HOXD12: variants seen among roughly 807,000 people sequenced by gnomAD.
HOXD12 encodes homeobox protein Hox-D12.
Under a neutral mutation model 20.2 loss-of-function variants are expected in HOXD12, and 21 were observed. The ratio of observed to expected loss-of-function variants is 1.04; its 90% CI spans 0.74 to 1.50. The LOEUF (loss-of-function observed/expected upper bound fraction) is 1.50. Ranked by LOEUF, HOXD12 falls within the 40% of genes most tolerant of loss-of-function variation. The pLI, the probability that HOXD12 is intolerant of heterozygous loss-of-function variation, is 0.00. For missense variants in HOXD12, 472 were observed against 365.5 expected, an observed-to-expected ratio of 1.29 and a Z score of -2.38; for synonymous variants, 196 against 168.8, an observed-to-expected ratio of 1.16 and a Z score of -1.25.
At position 176,100,928 on chromosome 2, in the gene HOXD12, C is replaced by T; in HGVS notation, c.*168C>T. 9 of 613,042 alleles carry T rather than the reference C, an allele frequency of 1.5e-5. No homozygotes were observed. The South Asian group carries it at 1.8e-4, about 12-fold the overall frequency. The allele number at this position is 613,042 out of a possible 1,614,324, so 38.0% of individuals were successfully genotyped here. A position where few individuals can be genotyped will look rare whatever the true frequency, so the allele number is the denominator to read the frequency against. On this transcript the variant is annotated 3_prime_UTR_variant, in exon 2 of 2. Coordinates refer to ENST00000406506, the MANE Select transcript of HOXD12 (RefSeq NM_021193.4). Reference sequence around the variant, plus strand: ...CAGGCCAGTTGGGCCTCCTTGCTTTCCTCAGTCCCTGAGAAGCCCGTGAGA... The same window carrying T: ...CAGGCCAGTTGGGCCTCCTTGCTTTTCTCAGTCCCTGAGAAGCCCGTGAGA...
Position 176,100,546 on chromosome 2 carries a change from G to T in HOXD12, c.599G>T (p.Gly200Val). The T allele has an allele frequency of 6.2e-7, 1 of 1,608,918 alleles. No homozygotes were observed. The highest frequency in any genetic ancestry group is 8.5e-7 in the Non-Finnish European group (1 of 1,177,698). ...PDGLPWGAAP[G>V]RARKKRKPYT... ...GGCCTGCCGTGGGGGGCGGCCCCGG[G>T]GAGGGCCCGCAAGAAGCGGAAACCC... Residue 200 changes from glycine (G) to valine (V), a missense_variant, in exon 2 of 2, where the codon GGG becomes GTG. Physicochemically the swap from Gly to Val is moderately radical, Grantham distance 109. Transcript: ENST00000406506.
rs146731562 is a variant in HOXD12 at position 176,100,024 on chromosome 2, C to A, written c.223C>A (p.Pro75Thr). 2.4e-4 allele frequency: 376 copies of A among 1,566,886 alleles called. 2 individuals carry two copies. In the African/African-American group the frequency reaches 4.2e-3, roughly 18 times the overall value. Residue 75 changes from proline (P) to threonine (T), a missense_variant, in exon 1 of 2, where the codon CCC (proline) becomes ACC (threonine). By Grantham distance (38) the Pro-to-Thr change is conservative (BLOSUM62 -1). Transcript: ENST00000406506. The part of the protein sequence containing the change: ...GATAFGGFSQ[P>T]YLAGSGPLGL... ...CACTGCCTTCGGCGGCTTCTCGCAG[C>A]CCTACCTGGCTGGCTCCGGGCCTCT...
Position 176,100,177 on chromosome 2 carries a change from G to C in HOXD12, c.376G>C (p.Ala126Pro). 1.9e-6 allele frequency: 3 copies of C among 1,612,408 alleles called. No homozygotes were observed. Among genetic ancestry groups the C allele is most frequent in the Non-Finnish European group, 2.5e-6 (3 of 1,179,746 alleles). The change falls in exon 1 of 2, where the codon GCT (alanine) becomes CCT (proline). Residue 126 changes from alanine (A) to proline (P), a missense_variant. Transcript: ENST00000406506. The part of the protein sequence containing the change: ...RPSFAPESSL[A>P]PAVAALKAAK... Reference sequence around the variant, plus strand: ...GTCCTTCGCCCCCGAGTCTAGCCTGGCTCCTGCAGTGGCTGCTCTCAAAGC... The same window carrying C: ...GTCCTTCGCCCCCGAGTCTAGCCTGCCTCCTGCAGTGGCTGCTCTCAAAGC...
rs1206806789 is a variant in HOXD12, at chr2:176,100,217, A to T, written c.416A>T (p.Tyr139Phe). The change falls in exon 1 of 2, where the codon TAC becomes TTC. Residue 139 changes from tyrosine (Y) to phenylalanine (F), a missense_variant. Physicochemically the swap from Tyr to Phe is conservative, Grantham distance 22. Transcript: ENST00000406506. ...VAALKAAKYD[Y>F]AGVGRATPGS... ...GCTCTCAAAGCGGCCAAGTATGACTACGCTGGTGTGGGTCGTGCCACGCCG... is the reference window on the plus strand; with the variant it reads ...GCTCTCAAAGCGGCCAAGTATGACTTCGCTGGTGTGGGTCGTGCCACGCCG... The T allele has an allele frequency of 6.2e-7, 1 of 1,612,306 alleles. No homozygotes were observed. The highest frequency in any genetic ancestry group is 2.2e-5 in the East Asian group (1 of 44,860).
rs140276133 is a variant in HOXD12 at position 176,100,125 on chromosome 2, G to T, written c.324G>T (p.Gly108=). 1.9e-6 allele frequency: 3 copies of T among 1,610,310 alleles called. No individual in the cohort carries two copies. Among genetic ancestry groups the T allele is most frequent in the Admixed American group, 3.3e-5 (2 of 59,872 alleles). Reference sequence around the variant, plus strand: ...TCTATGCGCCCGAAGCGGCCGCTGGGCCAGAGGAGCGCGGTCGTACCCGGC... The same window carrying T: ...TCTATGCGCCCGAAGCGGCCGCTGGTCCAGAGGAGCGCGGTCGTACCCGGC... ...AKFYAPEAAA[G]PEERGRTRPS... is the part of the protein sequence containing the mutation. Residue 108 remains glycine (G), a synonymous_variant, in exon 1 of 2, where the codon GGG becomes GGT. Coordinates refer to ENST00000406506, the MANE Select transcript of HOXD12 (RefSeq NM_021193.4).
At position 176,101,119 on chromosome 2, in the gene HOXD12, C is replaced by T. The variant is rs553731299; in HGVS notation, c.*359C>T. The T allele has an allele frequency of 2.7e-6, 1 of 365,860 alleles. No individual in the cohort carries two copies. Among genetic ancestry groups the T allele is most frequent in the Admixed American group, 4.5e-5 (1 of 22,398 alleles). 22.7% of individuals were successfully genotyped at this position (365,860 alleles called of 1,614,324 possible). ...TCCACCCAATTCGTTCTCCCTTTCC[C>T]CCTCTCTCCAGCCCCTTCAGCGTAT... On this transcript the variant is annotated 3_prime_UTR_variant, in exon 2 of 2. Coordinates refer to ENST00000406506, the MANE Select transcript of HOXD12 (RefSeq NM_021193.4).
chr2:176,099,997 G>A lies in HOXD12; in HGVS notation c.196G>A (p.Ala66Thr). ...ASCAPAQPAG[A>T]TAFGGFSQPY... ...CTGCGCCCCCGCGCAGCCTGCGGGC[G>A]CCACTGCCTTCGGCGGCTTCTCGCA... is the stretch of plus-strand genomic sequence containing the variant. Residue 66 changes from alanine (A) to threonine (T), a missense_variant, in exon 1 of 2, where the codon GCC becomes ACC. Coordinates refer to ENST00000406506, the MANE Select transcript of HOXD12 (RefSeq NM_021193.4). The A allele has an allele frequency of 6.4e-7, 1 of 1,562,418 alleles. No homozygotes were observed. Among genetic ancestry groups the A allele is most frequent in the Admixed American group, 1.9e-5 (1 of 52,502 alleles).
Position 176,100,356 on chromosome 2 carries a change from G to T in HOXD12, c.555G>T (p.Leu185=). 1 of 1,612,570 alleles carries T rather than the reference G, an allele frequency of 6.2e-7. No individual in the cohort carries two copies. The highest frequency in any genetic ancestry group is 1.7e-5 in the Admixed American group (1 of 60,008). The change falls in exon 1 of 2, where the codon CTG becomes CTT. Residue 185 remains leucine (L), a synonymous_variant. Transcript: ENST00000406506. ...AGGCGGCGGGCGTTGCCTCTTGCCT[G>T]CGACCTTCACTGCCCGACGGTAAAC... ...TVQAAGVASC[L]RPSLPDGLPW...
In HOXD12 at chr2:176,100,863, T is replaced by C; in HGVS notation, c.*103T>C. On this transcript the variant is annotated 3_prime_UTR_variant, in exon 2 of 2. Coordinates refer to ENST00000406506, the MANE Select transcript of HOXD12 (RefSeq NM_021193.4). ...AGGCTAAGGCTTTTCCTTCGGTTCC[T>C]TCTCTGCTGGCCCCAGAAGCCACCA... 1 of 778,594 alleles carries C rather than the reference T, an allele frequency of 1.3e-6. No individual in the cohort carries two copies. Among genetic ancestry groups the C allele is most frequent in the Non-Finnish European group, 2.1e-6 (1 of 471,108 alleles). 48.2% of individuals were successfully genotyped at this position (778,594 alleles called of 1,614,324 possible). A position where few individuals can be genotyped will look rare whatever the true frequency, so the allele number is the denominator to read the frequency against.
chr2:176,101,037 C>CA lies in HOXD12; in HGVS notation c.*277_*278insA. 1.9e-6 allele frequency: 1 copy of CA among 539,882 alleles called. No individual in the cohort carries two copies. The highest frequency in any genetic ancestry group is 3.3e-6 in the Non-Finnish European group (1 of 304,462). 33.4% of individuals were successfully genotyped at this position (539,882 alleles called of 1,614,324 possible). A position where few individuals can be genotyped will look rare whatever the true frequency, so the allele number is the denominator to read the frequency against. ...TGAGGCCAACTCTCCTTGCTCCTGG[C>CA]TGGGGCATTTGCACCCACCGCTCAT... is the stretch of plus-strand genomic sequence containing the variant. On this transcript the variant is annotated 3_prime_UTR_variant, in exon 2 of 2. Transcript: ENST00000406506.
At position 176,101,102 on chromosome 2, in the gene HOXD12, A is replaced by G. The variant is rs369280451; in HGVS notation, c.*342A>G. On this transcript the variant is annotated 3_prime_UTR_variant, in exon 2 of 2. Coordinates refer to ENST00000406506, the MANE Select transcript of HOXD12 (RefSeq NM_021193.4). ...ACCTGGATTTTTCTGTTTCCACCCAATTCGTTCTCCCTTTCCCCCTCTCTC... is the reference window on the plus strand; with the variant it reads ...ACCTGGATTTTTCTGTTTCCACCCAGTTCGTTCTCCCTTTCCCCCTCTCTC... 27 of 401,872 alleles carry G rather than the reference A, an allele frequency of 6.7e-5. No individual in the cohort carries two copies. Among genetic ancestry groups the G allele is most frequent in the Non-Finnish European group, 7.7e-5 (17 of 221,130 alleles). The allele number at this position is 401,872 out of a possible 1,614,324, so 24.9% of individuals were successfully genotyped here.
In HOXD12 at chr2:176,102,468, T is replaced by C. The variant is rs1187288991; in HGVS notation, c.*1708T>C. On this transcript the variant is annotated 3_prime_UTR_variant, in exon 2 of 2. Transcript: ENST00000406506. ...TATATACAAATGTTTTGAGTGAAAATAAATATCCAGGTCTGAGCCAAGCTG... is the reference window on the plus strand; with the variant it reads ...TATATACAAATGTTTTGAGTGAAAACAAATATCCAGGTCTGAGCCAAGCTG... Among the ~76,000 whole-genome samples, 2 of 152,230 alleles carry C rather than the reference T, an allele frequency of 1.3e-5. No individual in the cohort carries two copies. The highest frequency in any genetic ancestry group is 2.9e-5 in the Non-Finnish European group (2 of 68,034).
rs868390508 is a variant in HOXD12 at position 176,100,277 on chromosome 2, C to A, written c.476C>A (p.Ala159Asp). The A allele has an allele frequency of 1.2e-6, 2 of 1,612,612 alleles. No homozygotes were observed. The highest frequency in any genetic ancestry group is 8.5e-7 in the Non-Finnish European group (1 of 1,179,842). Residue 159 changes from alanine to aspartate, a missense_variant, in exon 1 of 2, where the codon GCC (alanine) becomes GAC (aspartate). Coordinates refer to ENST00000406506, the MANE Select transcript of HOXD12 (RefSeq NM_021193.4). Reference sequence around the variant, plus strand: ...ACCCTGCTCCAGGGGGCTCCCTGCGCCCCTGGCTTCAAGGACGACACCAAG... The same window carrying A: ...ACCCTGCTCCAGGGGGCTCCCTGCGACCCTGGCTTCAAGGACGACACCAAG... ...STTLLQGAPC[A>D]PGFKDDTKGP...
At chr2:176,100,407 T>C (rs1689477472) in intron 1 of HOXD12, 32 bp downstream of exon 1, 1 of 1,608,352 alleles carries the variant, frequency 6.2e-7, no homozygotes. Context: ...CGGGCCGGTT[T>C]GGGCCGGGAT....
intron 1 of HOXD12, 44 bp downstream of exon 1, chr2:176,100,419 G>T: frequency 6.2e-7 from 1 of 1,606,272 alleles, no homozygotes; most frequent in South Asian, 1.1e-5. Flanking sequence ...GGCCGGGATG[G>T]GAGGTGGGGT....
rs755547207 is a variant in HOXD12 at position 176,100,366 on chromosome 2, C to A, written c.565C>A (p.Leu189Met). The A allele has an allele frequency of 1.7e-5, 27 of 1,612,356 alleles. No homozygotes were observed. In the South Asian group the frequency reaches 2.7e-4, roughly 16 times the overall value. The part of the protein sequence containing the change: ...AGVASCLRPS[L>M]PDGLPWGAAP... ...CGTTGCCTCTTGCCTGCGACCTTCA[C>A]TGCCCGACGGTAAACGGTGCCCATG... is the stretch of plus-strand genomic sequence containing the variant. The change falls in exon 1 of 2, where the codon CTG becomes ATG. Residue 189 changes from leucine to methionine, a missense_variant. Leu to Met is a conservative substitution (Grantham distance 15, BLOSUM62 2). Coordinates refer to ENST00000406506, the MANE Select transcript of HOXD12 (RefSeq NM_021193.4).
Position 176,100,855 on chromosome 2 carries a change from T to C in HOXD12, c.*95T>C. On this transcript the variant is annotated 3_prime_UTR_variant, in exon 2 of 2. Coordinates refer to ENST00000406506, the MANE Select transcript of HOXD12 (RefSeq NM_021193.4). The stretch of plus-strand genomic sequence containing the variant: ...TGGGGCTAAGGCTAAGGCTTTTCCT[T>C]CGGTTCCTTCTCTGCTGGCCCCAGA... The C allele has an allele frequency of 2.4e-6, 2 of 829,332 alleles. No individual in the cohort carries two copies. Among genetic ancestry groups the C allele is most frequent in the South Asian group, 3.3e-5 (2 of 60,906 alleles). The allele number at this position is 829,332 out of a possible 1,614,324, so 51.4% of individuals were successfully genotyped here. A position where few individuals can be genotyped will look rare whatever the true frequency, so the allele number is the denominator to read the frequency against.
At position 176,099,898 on chromosome 2, in the gene HOXD12, G is replaced by T; in HGVS notation, c.97G>T (p.Gly33Cys). ...SFYFSNLRPN[G>C]GQLAALPPIS... ...CTACTTCTCCAACCTGAGGCCGAAT[G>T]GCGGCCAGTTGGCCGCGCTTCCCCC... The change falls in exon 1 of 2, where the codon GGC (glycine) becomes TGC (cysteine). Residue 33 changes from glycine to cysteine, a missense_variant. Transcript: ENST00000406506. The T allele has an allele frequency of 6.3e-7, 1 of 1,594,518 alleles. No homozygotes were observed. Among genetic ancestry groups the T allele is most frequent in the African/African-American group, 1.4e-5 (1 of 72,376 alleles).
Position 176,100,804 on chromosome 2 carries a change from A to C in HOXD12, c.*44A>C. 1 of 1,345,210 alleles carries C rather than the reference A, an allele frequency of 7.4e-7. No homozygotes were observed. The highest frequency in any genetic ancestry group is 1.1e-6 in the Non-Finnish European group (1 of 945,514). 83.3% of individuals were successfully genotyped at this position (1,345,210 alleles called of 1,614,324 possible). ...CCGGGTTGGATCTGCCCTTTTGGAC[A>C]GAGGCCTTGTTTGGGGAGGGGGATC... On this transcript the variant is annotated 3_prime_UTR_variant, in exon 2 of 2. Transcript: ENST00000406506.
Sources: gnomAD v4.1 joint callset for allele counts (sites outside exome capture counted in the v4.1 genomes callset) on GRCh38, gnomAD v4.1.1 for gene constraint, MANE v1.5 for transcripts, NCBI Gene and HGNC (gene_info 2026-07-23, HGNC 2026-07-21) for gene names.